The following INPP4B variants were observed in gnomAD, a reference collection of about 807,000 sequenced individuals.
INPP4B encodes the protein inositol polyphosphate 4-phosphatase type II.
Under a neutral mutation model 122.5 loss-of-function variants are expected in INPP4B, and 55 were observed. The ratio of observed to expected loss-of-function variants is 0.45; its 90% CI spans 0.36 to 0.56. The LOEUF is 0.56. Among genes scored for constraint, INPP4B ranks in the 20% least tolerant of loss-of-function variants. INPP4B has a pLI of 0.00. For missense variants in INPP4B, 1,000 were observed against 1,097.7 expected (o/e 0.91, Z 1.26); for synonymous variants, 403 against 388.7 (o/e 1.04, Z -0.43).
chr4:142,718,427 G>A (rs1318786616), intron 2 of INPP4B, among the ~76,000 whole-genome samples: 1 of 152,174 alleles, frequency 6.6e-6, no homozygotes, highest in Non-Finnish European at 1.5e-5. Flanking sequence ...ACTGAAGACA[G>A]ATGCCCCAAT....
chr4:142,484,405 A>G (rs1820951589), intron 2 of INPP4B, among the ~76,000 whole-genome samples: 3 of 152,124 alleles, frequency 2.0e-5, no homozygotes, highest in Non-Finnish European at 4.4e-5. Flanking sequence ...AAGCTTGTAT[A>G]TAGCTTATCT....
intron 2 of INPP4B, among the ~76,000 whole-genome samples, chr4:142,666,964 C>T (rs1045524502): frequency 6.6e-6 from 1 of 152,268 alleles, no homozygotes; most frequent in African/African-American, 2.4e-5. Flanking sequence ...TATTTTAAAA[C>T]ATGGACTTTA....
At chr4:142,566,468 A>G (rs1487972609) in intron 2 of INPP4B, among the ~76,000 whole-genome samples, 4 of 152,210 alleles carry the variant, frequency 2.6e-5, no homozygotes, top group African/African-American at 9.6e-5. Context: ...AGTCAATGGA[A>G]GCAGAAGGAA....
chr4:142,467,537 T>C (rs1818021913), intron 2 of INPP4B, among the ~76,000 whole-genome samples: 1 of 138,882 alleles, frequency 7.2e-6, no homozygotes, highest in Non-Finnish European at 1.6e-5. Context: ...AGTTTTTTTT[T>C]TGTTTTTTGT....
chr4:142,242,406 C>T (rs752535796), intron 11 of INPP4B, among the ~76,000 whole-genome samples: 3 of 152,074 alleles, frequency 2.0e-5, no homozygotes, highest in Non-Finnish European at 4.4e-5. Context: ...AAAACACAAA[C>T]GTATTATTTG....
chr4:142,614,342 T>C (rs1182334956), intron 2 of INPP4B, among the ~76,000 whole-genome samples: 4 of 152,098 alleles, frequency 2.6e-5, no homozygotes, highest in African/African-American at 9.7e-5. Flanking sequence ...TTGATAATCA[T>C]ATACAGAAGA....
intron 2 of INPP4B, among the ~76,000 whole-genome samples, chr4:142,467,174 G>A (rs1374137809): frequency 6.6e-6 from 1 of 152,228 alleles, no homozygotes; most frequent in Non-Finnish European, 1.5e-5. Context: ...TGTGGAAAGG[G>A]GGTCACTGAC....
chr4:142,396,273 G>T (rs908291478), intron 7 of INPP4B, among the ~76,000 whole-genome samples: 1 of 151,990 alleles, frequency 6.6e-6, no homozygotes, highest in Non-Finnish European at 1.5e-5. Context: ...AGAAGAAAAA[G>T]AACCCTTTTT....
chr4:142,069,255 G>A (rs1246646961), intron 25 of INPP4B, among the ~76,000 whole-genome samples: 3 of 152,162 alleles, frequency 2.0e-5, no homozygotes, highest in African/African-American at 7.2e-5. Flanking sequence ...CAAAATGAAG[G>A]CAGAAATAAA....
chr4:142,197,126 CA>C (rs376793889), intron 14 of INPP4B, among the ~76,000 whole-genome samples: 5 of 67,226 alleles, frequency 7.4e-5, no homozygotes, highest in African/African-American at 2.3e-4. Context: ...AACTCCGTCT[CA>C]AAAAAAAAAA....
At chr4:142,396,725 T>C (rs891980363) in intron 7 of INPP4B, among the ~76,000 whole-genome samples, 2 of 152,022 alleles carry the variant, frequency 1.3e-5, no homozygotes, top group African/African-American at 4.8e-5. Flanking sequence ...AATAAGAAAG[T>C]AAATGAACAA....
chr4:142,495,017 A>G (rs1383953905), intron 2 of INPP4B, among the ~76,000 whole-genome samples: 1 of 152,154 alleles, frequency 6.6e-6, no homozygotes, highest in East Asian at 1.9e-4. Context: ...GTACAGTGGA[A>G]GGATAGCTTG....
At chr4:142,327,618 G>A (rs1772917109) in intron 7 of INPP4B, among the ~76,000 whole-genome samples, 1 of 152,036 alleles carries the variant, frequency 6.6e-6, no homozygotes, top group Non-Finnish European at 1.5e-5. Flanking sequence ...TTAATCAATG[G>A]TTCTCAACAT....
chr4:142,307,295 C>T (rs1276485403), intron 8 of INPP4B, among the ~76,000 whole-genome samples: 1 of 152,158 alleles, frequency 6.6e-6, no homozygotes, highest in Non-Finnish European at 1.5e-5. Flanking sequence ...CACTCCCCTC[C>T]CACATACACA....
intron 18 of INPP4B, among the ~76,000 whole-genome samples, chr4:142,144,240 C>T (rs1182200254): frequency 6.6e-6 from 1 of 151,130 alleles, no homozygotes; most frequent in Non-Finnish European, 1.5e-5. Context: ...CACACACACA[C>T]ACACACACAC....
chr4:142,480,372 C>T (rs1456089121), intron 2 of INPP4B, among the ~76,000 whole-genome samples: 1 of 152,102 alleles, frequency 6.6e-6, no homozygotes, highest in Non-Finnish European at 1.5e-5. Context: ...AGAAACTCAG[C>T]CTGAGAGAGA....
intron 2 of INPP4B, among the ~76,000 whole-genome samples, chr4:142,469,861 T>G (rs1462457159): frequency 2.0e-5 from 3 of 152,128 alleles, no homozygotes; most frequent in African/African-American, 7.2e-5. Flanking sequence ...TGCATATAGA[T>G]AGCGAACCTA....
At chr4:142,527,148 C>G (rs1403655575) in intron 2 of INPP4B, among the ~76,000 whole-genome samples, 1 of 151,796 alleles carries the variant, frequency 6.6e-6, no homozygotes, top group East Asian at 1.9e-4. Flanking sequence ...ATGATTTTAT[C>G]TTGGTGAAAA....
At chr4:142,083,449 T>A (rs1775157224) in intron 24 of INPP4B, among the ~76,000 whole-genome samples, 2 of 152,196 alleles carry the variant, frequency 1.3e-5, no homozygotes. Flanking sequence ...TATCCCATGG[T>A]AGGGTTCTAA....
Sources: allele counts gnomAD v4.1 joint callset (sites outside exome capture counted in the v4.1 genomes callset), GRCh38; gene constraint gnomAD v4.1.1; transcripts MANE v1.5; gene names NCBI Gene and HGNC (gene_info 2026-07-23, HGNC 2026-07-21).